The following KNTC1 variants were observed in gnomAD, a reference collection of about 807,000 sequenced individuals.
KNTC1 encodes the protein kinetochore associated 1.
A neutral mutation model predicts 314.4 loss-of-function variants in KNTC1; 253 were observed. That is an observed-to-expected ratio of 0.80 (90% confidence interval 0.73 to 0.89). The LOEUF (loss-of-function observed/expected upper bound fraction) is 0.89. Among genes scored for constraint, KNTC1 ranks in the 40% least tolerant of loss-of-function variants. The pLI is 0.00. For synonymous variants in KNTC1, 901 were observed against 901.4 expected (o/e 1.00, Z 0.01); for missense variants, 2,475 against 2,572.9 (o/e 0.96, Z 0.82).
At position 122,613,222 on chromosome 12, in the gene KNTC1, A is replaced by G. The variant is rs747473079; in HGVS notation, c.5733A>G (p.Glu1911=). 21 of 1,561,756 alleles carry G rather than the reference A, an allele frequency of 1.3e-5. No homozygotes were observed. In the East Asian group the frequency reaches 3.6e-4, roughly 27 times the overall value. Residue 1911 remains glutamate (E), a synonymous_variant, in exon 54 of 64, where the codon GAA becomes GAG. Transcript: ENST00000333479. ...AATCTCTCTTTAAAAAACCCATTGA[A>G]GAAGTGAAGTAAGTAGAAATGTTTA... ...TIESLFKKPI[E]EVKSYLRCIT... is the part of the protein sequence containing the mutation.
In KNTC1 at chr12:122,580,681, T is replaced by C. The variant is rs909786902; in HGVS notation, c.2982+11T>C. The C allele has an allele frequency of 6.6e-7, 1 of 1,521,156 alleles. No homozygotes were observed. Among genetic ancestry groups the C allele is most frequent in the African/African-American group, 1.4e-5 (1 of 72,550 alleles). The allele number at this position is 1,521,156 out of a possible 1,614,324, so 94.2% of individuals were successfully genotyped here. The stretch of plus-strand genomic sequence containing the variant: ...GTTGCTAGCTTACAGGTAAACATAT[T>C]GAGCCATGTTAAACATTATTACTTG... On this transcript the variant is annotated intron_variant, in intron 33 of 63. Coordinates refer to ENST00000333479, the MANE Select transcript of KNTC1 (RefSeq NM_014708.6).
At chr12:122,594,166 G>T (rs974659169) in intron 42 of KNTC1, 110 bp from the exon 43 acceptor site, 1 of 660,476 alleles carries the variant, frequency 1.5e-6, no homozygotes, top group Non-Finnish European at 2.6e-6. Context: ...ATAGACAAAT[G>T]TTTCTTTTTG....
At position 122,605,061 on chromosome 12, in the gene KNTC1, A is replaced by G; in HGVS notation, c.5360A>G (p.Gln1787Arg). Reference sequence around the variant, plus strand: ...CATCCTAGCATCAATCAAAGAATTCAGAATTCATCTGGCACAGATTATCCT... The same window carrying G: ...CATCCTAGCATCAATCAAAGAATTCGGAATTCATCTGGCACAGATTATCCT... ...YEHPSINQRI[Q>R]NSSGTDYPDI... is the part of the protein sequence containing the mutation. Residue 1787 changes from glutamine to arginine, a missense_variant, in exon 50 of 64, where the codon CAG becomes CGG. Gln to Arg is a conservative substitution (Grantham distance 43, BLOSUM62 1). Transcript: ENST00000333479. The G allele has an allele frequency of 5.0e-6, 8 of 1,611,892 alleles. No homozygotes were observed. Among genetic ancestry groups the G allele is most frequent in the Non-Finnish European group, 6.8e-6 (8 of 1,179,104 alleles).
At position 122,530,013 on chromosome 12, in the gene KNTC1, G is replaced by A. The variant is rs1024845333; in HGVS notation, c.-51G>A. 1.4e-5 allele frequency: 23 copies of A among 1,589,178 alleles called. No homozygotes were observed. The highest frequency in any genetic ancestry group is 1.9e-5 in the Non-Finnish European group (22 of 1,166,350). On this transcript the variant is annotated 5_prime_UTR_variant, in exon 2 of 64. The change abolishes an upstream ATG in the 5' untranslated region. Coordinates refer to ENST00000333479, the MANE Select transcript of KNTC1 (RefSeq NM_014708.6). The stretch of plus-strand genomic sequence containing the variant: ...AAGATAATATGGTGTCTAATTTTAT[G>A]TTGTTCAGGAAAGACAGTGGTTCCT...
At chr12:122,540,421 C>G (rs1962212249) in intron 5 of KNTC1, among the ~76,000 whole-genome samples, 1 of 152,072 alleles carries the variant, frequency 6.6e-6, no homozygotes, top group Non-Finnish European at 1.5e-5. Context: ...ATCTGCCCGC[C>G]TCAGGTGATC....
At chr12:122,540,444 A>G (rs1209991802) in intron 5 of KNTC1, among the ~76,000 whole-genome samples, 1 of 152,142 alleles carries the variant, frequency 6.6e-6, no homozygotes, top group Non-Finnish European at 1.5e-5. Flanking sequence ...CCTGTGAGCC[A>G]CTGTGCCTGG....
At chr12:122,586,647 CT>C in intron 37 of KNTC1, 53 bp from the exon 38 acceptor site, 1 of 838,314 alleles carries the variant, frequency 1.2e-6, no homozygotes. Context: ...GAAGTCTGGG[CT>C]TTTAGTGTGG....
At chr12:122,622,849 A>T (rs971024040) in intron 62 of KNTC1, among the ~76,000 whole-genome samples, 6 of 151,926 alleles carry the variant, frequency 3.9e-5, no homozygotes, top group African/African-American at 1.5e-4. Flanking sequence ...TAGGGAGGAT[A>T]AGGCAGGAGA....
In KNTC1 at chr12:122,575,530, G is replaced by T. The variant is rs1488011058; in HGVS notation, c.2383-13G>T. 6.4e-7 allele frequency: 1 copy of T among 1,562,418 alleles called. No homozygotes were observed. The highest frequency in any genetic ancestry group is 2.3e-5 in the East Asian group (1 of 42,932). ...TGAGGGCTGTTCCTTGTCCATGCGTGCATCTTTTGTAGCTCATATTTGATG... is the reference window on the plus strand; with the variant it reads ...TGAGGGCTGTTCCTTGTCCATGCGTTCATCTTTTGTAGCTCATATTTGATG... On this transcript the variant is annotated splice_polypyrimidine_tract_variant and intron_variant, in intron 27 of 63. Transcript: ENST00000333479.
Position 122,585,303 on chromosome 12 carries a change from A to G in KNTC1, c.3534+313A>G, listed in dbSNP as rs556363829. Among the ~76,000 whole-genome samples, 8 of 152,180 alleles carry G rather than the reference A, an allele frequency of 5.3e-5. No individual in the cohort carries two copies. The South Asian group carries it at 1.5e-3, about 28-fold the overall frequency. On this transcript the variant is annotated intron_variant, in intron 36 of 63. Coordinates refer to ENST00000333479, the MANE Select transcript of KNTC1 (RefSeq NM_014708.6). Reference sequence around the variant, plus strand: ...GTGATTCCCCCACCTCAGCCTCTCAAAGTGCTCGGATTACAGGCATGAGCC... The same window carrying G: ...GTGATTCCCCCACCTCAGCCTCTCAGAGTGCTCGGATTACAGGCATGAGCC...
At chr12:122,561,385 C>T (rs535937270) in intron 18 of KNTC1, among the ~76,000 whole-genome samples, 1 of 151,402 alleles carries the variant, frequency 6.6e-6, no homozygotes, top group African/African-American at 2.4e-5. Flanking sequence ...TTTTGGCATG[C>T]AATTTTTGCA....
chr12:122,604,943 A>C lies in KNTC1; in HGVS notation c.5242A>C (p.Thr1748Pro), dbSNP rs1272541364. 5 of 1,611,694 alleles carry C rather than the reference A, an allele frequency of 3.1e-6. No individual in the cohort carries two copies. The change falls in exon 50 of 64, where the codon ACA (threonine) becomes CCA (proline). Residue 1748 changes from threonine (T) to proline (P), a missense_variant. Transcript: ENST00000333479. ...KLHIQYRRSG[T>P]EAVLIAHKLN... ...TCATATCCAGTACCGGCGATCGGGC[A>C]CAGAAGCTGTGCTCATAGCCCACAA...
chr12:122,624,583 T>C lies in KNTC1; in HGVS notation c.6516-15T>C. The C allele has an allele frequency of 6.2e-7, 1 of 1,601,610 alleles. No individual in the cohort carries two copies. The highest frequency in any genetic ancestry group is 2.2e-5 in the East Asian group (1 of 44,770). ...GTGCTTGGCCTAACACTTCTTTTTC[T>C]TTTTGATTTTGTAGTTTAGATGAAG... On this transcript the variant is annotated splice_polypyrimidine_tract_variant and intron_variant, in intron 62 of 63. Transcript: ENST00000333479.
chr12:122,624,013 A>G (rs551075740), intron 62 of KNTC1, among the ~76,000 whole-genome samples: 1 of 152,258 alleles, frequency 6.6e-6, no homozygotes, highest in South Asian at 2.1e-4. Context: ...GGTTGCAGTG[A>G]GCCGAGATCG....
chr12:122,610,721 G>C (rs1873020752), intron 52 of KNTC1, 101 bp from the exon 53 acceptor site: 3 of 725,082 alleles, frequency 4.1e-6, no homozygotes, highest in Non-Finnish European at 7.1e-6. Context: ...ATCTGCCTTT[G>C]AGTTGTCTAA....
chr12:122,577,934 T>G (rs146945040), intron 31 of KNTC1, 143 bp downstream of exon 31: 1 of 691,218 alleles, frequency 1.4e-6, no homozygotes, highest in East Asian at 3.3e-5. Context: ...CTGGGTAAAT[T>G]TACTACTAGG....
At chr12:122,533,760 C>A (rs1961571487) in intron 2 of KNTC1, among the ~76,000 whole-genome samples, 1 of 151,982 alleles carries the variant, frequency 6.6e-6, no homozygotes, top group African/African-American at 2.4e-5. Context: ...AAGGATTACA[C>A]CTGGAGAAGA....
At chr12:122,567,307 T>G (rs1043693214) in intron 20 of KNTC1, among the ~76,000 whole-genome samples, 6 of 151,836 alleles carry the variant, frequency 4.0e-5, no homozygotes, top group Admixed American at 1.3e-4. Flanking sequence ...TGACCTCAAG[T>G]GGTCCACCCA....
At chr12:122,605,968 G>A (rs1279150621) in intron 51 of KNTC1, among the ~76,000 whole-genome samples, 4 of 151,838 alleles carry the variant, frequency 2.6e-5, no homozygotes, top group East Asian at 1.9e-4. Flanking sequence ...TCAGCCTCCC[G>A]AGTAGCTGGG....
Sources: gnomAD v4.1 joint callset for allele counts (sites outside exome capture counted in the v4.1 genomes callset) on GRCh38, gnomAD v4.1.1 for gene constraint, MANE v1.5 for transcripts, NCBI Gene and HGNC (gene_info 2026-07-23, HGNC 2026-07-21) for gene names.